EYS: variants seen among roughly 807,000 people sequenced by gnomAD.
EYS encodes protein eyes shut homolog.
A neutral mutation model predicts 282.1 loss-of-function variants in EYS; 250 were observed. The ratio of observed to expected loss-of-function variants is 0.89; its 90% confidence interval spans 0.80 to 0.98. The LOEUF is 0.98. Among genes scored for constraint, EYS ranks in the 50% least tolerant of loss-of-function variants. The pLI, the probability that EYS is intolerant of heterozygous loss-of-function variation, is 0.00. For missense variants in EYS, 4,016 were observed against 3,709.0 expected, an observed-to-expected ratio of 1.08 and a Z score of -2.15; for synonymous variants, 1,355 against 1,282.9, an observed-to-expected ratio of 1.06 and a Z score of -1.20.
intron 7 of EYS, 105 bp from the exon 8 acceptor site, chr6:65,384,605 G>T (rs1765733184): frequency 3.1e-6 from 2 of 653,136 alleles, no homozygotes; most frequent in Non-Finnish European, 2.7e-6. Flanking sequence ...AAATTATATG[G>T]TATTATTAAT....
At chr6:65,315,608 A>C (rs905007067) in intron 11 of EYS, among the ~76,000 whole-genome samples, 9 of 149,610 alleles carry the variant, frequency 6.0e-5, no homozygotes, top group Admixed American at 6.7e-5. Context: ...TATATTATTG[A>C]ATATAATAAC....
intron 30 of EYS, among the ~76,000 whole-genome samples, chr6:64,237,910 A>C (rs576450541): frequency 4.0e-4 from 61 of 152,328 alleles, no homozygotes; most frequent in African/African-American, 1.3e-3. Context: ...TGCCATTCAA[A>C]ATAAATGTTA....
chr6:64,989,412 TATATGA>T (rs1393181329), intron 14 of EYS, among the ~76,000 whole-genome samples: 4 of 123,052 alleles, frequency 3.3e-5, no homozygotes, highest in African/African-American at 1.4e-4. Flanking sequence ...TATATATATA[TATATGA>T]ATATATATGA....
intron 28 of EYS, among the ~76,000 whole-genome samples, chr6:64,428,887 T>A (rs759265976): frequency 3.3e-5 from 5 of 152,144 alleles, no homozygotes; most frequent in Non-Finnish European, 7.4e-5. Flanking sequence ...AATGCCTGGG[T>A]ACAATAGCTT....
At chr6:65,010,736 AG>A (rs1771840424) in intron 13 of EYS, among the ~76,000 whole-genome samples, 2 of 152,236 alleles carry the variant, frequency 1.3e-5, no homozygotes, top group South Asian at 4.1e-4. Context: ...AGAAGGAAAA[AG>A]GGTAAATATA....
chr6:64,514,718 A>T (rs533475111), intron 26 of EYS, among the ~76,000 whole-genome samples: 1 of 151,800 alleles, frequency 6.6e-6, no homozygotes, highest in East Asian at 1.9e-4. Flanking sequence ...CTGTTTACCA[A>T]GTCAGGTTCA....
intron 22 of EYS, among the ~76,000 whole-genome samples, 162 bp downstream of exon 22, chr6:64,813,216 T>A (rs1057261238): frequency 1.3e-5 from 2 of 152,022 alleles, no homozygotes; most frequent in Non-Finnish European, 2.9e-5. Flanking sequence ...ATATAAACAA[T>A]GACATTTTGT....
intron 26 of EYS, among the ~76,000 whole-genome samples, chr6:64,577,806 GAC>G (rs1765931510): frequency 6.6e-6 from 1 of 152,074 alleles, no homozygotes; most frequent in Non-Finnish European, 1.5e-5. Flanking sequence ...TGTTGTTAGA[GAC>G]AGTTTTATAG....
In EYS at chr6:64,381,013, T is replaced by C. The variant is rs554661489; in HGVS notation, c.6078+7677A>G. Among the ~76,000 whole-genome samples the C allele has an allele frequency of 2.4e-3, 323 of 136,792 alleles. 1 individual carries two copies. Among genetic ancestry groups the C allele is most frequent in the African/African-American group, 9.0e-3 (310 of 34,616 alleles). The allele number at this position is 136,792 out of a possible 152,430, so 89.7% of individuals were successfully genotyped here. On this transcript the variant is annotated intron_variant, in intron 29 of 42. Transcript: ENST00000503581. ...GCCTGGGTGACAGAGCAAGACTCCA[T>C]CTCAGAAAAAAAAAAAAAAAAAGAT... is the stretch of plus-strand genomic sequence containing the variant.
intron 35 of EYS, among the ~76,000 whole-genome samples, chr6:63,971,871 C>G (rs1340503505): frequency 6.6e-6 from 1 of 152,162 alleles, no homozygotes; most frequent in Admixed American, 6.5e-5. Flanking sequence ...GACAAAATCA[C>G]ATATCTTAAA....
At chr6:63,828,326 C>A (rs764290006) in intron 36 of EYS, among the ~76,000 whole-genome samples, 23 of 152,012 alleles carry the variant, frequency 1.5e-4, no homozygotes, top group Non-Finnish European at 2.9e-4. Flanking sequence ...ATTGATAGAC[C>A]ATTAGCAAGA....
At chr6:63,795,244 G>A (rs1313557903) in intron 37 of EYS, among the ~76,000 whole-genome samples, 3 of 152,210 alleles carry the variant, frequency 2.0e-5, no homozygotes, top group African/African-American at 7.2e-5. Context: ...AAGATGAGAT[G>A]CTGTGGTCAG....
chr6:64,102,040 G>A (rs986496597), intron 31 of EYS, among the ~76,000 whole-genome samples: 1 of 152,006 alleles, frequency 6.6e-6, no homozygotes, highest in Non-Finnish European at 1.5e-5. Context: ...TAAGTACAGA[G>A]GAAGCTTCGC....
At chr6:64,673,850 A>C (rs2149898174) in intron 22 of EYS, among the ~76,000 whole-genome samples, 1 of 152,220 alleles carries the variant, frequency 6.6e-6, no homozygotes, top group African/African-American at 2.4e-5. Context: ...GTAACAGTTA[A>C]ATAAATAGAA....
chr6:64,352,375 A>G (rs1771672590), intron 29 of EYS, among the ~76,000 whole-genome samples: 1 of 151,636 alleles, frequency 6.6e-6, no homozygotes, highest in African/African-American at 2.4e-5. Context: ...TTTTAGAACT[A>G]TACCAGGCCC....
At chr6:63,876,306 T>C (rs1017129117) in intron 35 of EYS, among the ~76,000 whole-genome samples, 5 of 152,236 alleles carry the variant, frequency 3.3e-5, no homozygotes, top group Non-Finnish European at 4.4e-5. Flanking sequence ...TAATCCTGTG[T>C]TCTGGTTTGA....
chr6:64,945,957 TA>T, intron 14 of EYS, 43 bp from the exon 15 acceptor site: 1 of 1,453,064 alleles, frequency 6.9e-7, no homozygotes, highest in Non-Finnish European at 9.3e-7. Context: ...TATTTCTTAC[TA>T]TTAAGCCTAT....
chr6:65,611,002 T>C (rs913167357), intron 2 of EYS, among the ~76,000 whole-genome samples: 1 of 152,080 alleles, frequency 6.6e-6, no homozygotes, highest in East Asian at 1.9e-4. Flanking sequence ...TTTCAGGCAA[T>C]GTACTCATAT....
intron 14 of EYS, among the ~76,000 whole-genome samples, chr6:64,993,305 T>C (rs1230815356): frequency 1.3e-5 from 2 of 151,900 alleles, no homozygotes; most frequent in African/African-American, 2.4e-5. Context: ...TGTGTCTTTA[T>C]AGCAGCATGA....
Sources: allele counts gnomAD v4.1 joint callset (sites outside exome capture counted in the v4.1 genomes callset), GRCh38; gene constraint gnomAD v4.1.1; transcripts MANE v1.5; gene names NCBI Gene and HGNC (gene_info 2026-07-23, HGNC 2026-07-21).